The following SLC39A11 variants were observed in gnomAD, a reference collection of about 807,000 sequenced individuals.
The protein encoded by SLC39A11 is solute carrier family 39 member 11.
Under a neutral mutation model 36.1 loss-of-function variants are expected in SLC39A11, and 33 were observed. The observed-to-expected ratio is 0.91, with a 90% confidence interval of 0.69 to 1.22. The LOEUF is 1.22. Among genes scored for constraint, SLC39A11 ranks in the 50% most tolerant of loss-of-function variants. The pLI is 0.00. For synonymous variants in SLC39A11, 166 were observed against 170.3 expected (o/e 0.97, Z 0.20); for missense variants, 432 against 430.3 (o/e 1.00, Z -0.03).
chr17:73,021,154 C>T (rs138074764), intron 4 of SLC39A11, among the ~76,000 whole-genome samples: 320 of 152,192 alleles, frequency 2.1e-3, no homozygotes, highest in East Asian at 0.018. Flanking sequence ...GGACCTGCAT[C>T]AACACTACCA....
chr17:72,992,120 G>A (rs1334767449), intron 4 of SLC39A11, among the ~76,000 whole-genome samples: 2 of 152,178 alleles, frequency 1.3e-5, no homozygotes, highest in Non-Finnish European at 2.9e-5. Context: ...GGGAGGCTGA[G>A]GCAGATGGAT....
At chr17:72,797,486 T>C (rs1309309957) in intron 6 of SLC39A11, among the ~76,000 whole-genome samples, 1 of 152,038 alleles carries the variant, frequency 6.6e-6, no homozygotes, top group Non-Finnish European at 1.5e-5. Context: ...TGAGGGCTAA[T>C]TTAAAAGATG....
rs193137057 is a variant in SLC39A11, at chr17:72,904,703, G to A, written c.430+43049C>T. Among the ~76,000 whole-genome samples, 9 of 152,296 alleles carry A rather than the reference G, an allele frequency of 5.9e-5. No individual in the cohort carries two copies. The East Asian group carries it at 9.7e-4, about 16-fold the overall frequency. On this transcript the variant is annotated intron_variant, in intron 5 of 9. Transcript: ENST00000255559. ...TCTCAGGTGGCACTGACGGGCCAAG[G>A]GATTCAGGATCTCAGAGCGAGAATT...
intron 4 of SLC39A11, among the ~76,000 whole-genome samples, chr17:72,991,598 A>ATCCCAC (rs1452706519): frequency 1.3e-5 from 2 of 150,440 alleles, no homozygotes; most frequent in African/African-American, 4.9e-5. Context: ...ATCTCAGATA[A>ATCCCAC]TCCCCCCGCC....
chr17:73,091,647 G>T (rs1023032486), intron 1 of SLC39A11, among the ~76,000 whole-genome samples: 2 of 152,090 alleles, frequency 1.3e-5, no homozygotes, highest in African/African-American at 4.8e-5. Context: ...TCTCTAACCG[G>T]CAGACCAGTA....
intron 5 of SLC39A11, among the ~76,000 whole-genome samples, chr17:72,902,426 T>C (rs947108979): frequency 7.7e-6 from 1 of 130,064 alleles, no homozygotes; most frequent in Non-Finnish European, 1.6e-5. Context: ...CAAGTAAGGA[T>C]TCTCTCCTTG....
At chr17:72,802,250 G>A (rs1023391671) in intron 6 of SLC39A11, among the ~76,000 whole-genome samples, 2 of 152,102 alleles carry the variant, frequency 1.3e-5, no homozygotes, top group African/African-American at 4.8e-5. Flanking sequence ...ACTTCTTGTG[G>A]CCCAAGAGAA....
rs2074087791 is a variant in SLC39A11, at chr17:72,729,428, TATATATATATATA to T, written c.671+7209_671+7221del. Among the ~76,000 whole-genome samples the T allele has an allele frequency of 1.9e-3, 10 of 5,282 alleles. 1 individual carries two copies. Among genetic ancestry groups the T allele is most frequent in the Admixed American group, 6.4e-3 (2 of 314 alleles). The allele number at this position is 5,282 out of a possible 152,430, so 3.5% of individuals were successfully genotyped here. The stretch of plus-strand genomic sequence containing the variant: ...ATTTATATATATATATATATATATA[TATATATATATATA>T]TATATATATATATATATTTTTTTTT... On this transcript the variant is annotated intron_variant, in intron 7 of 9. Transcript: ENST00000255559.
At chr17:73,060,415 C>T (rs937202902) in intron 3 of SLC39A11, among the ~76,000 whole-genome samples, 1 of 151,878 alleles carries the variant, frequency 6.6e-6, no homozygotes, top group African/African-American at 2.4e-5. Flanking sequence ...AAGGTTTTTC[C>T]TCCAAATATG....
intron 5 of SLC39A11, among the ~76,000 whole-genome samples, chr17:72,853,491 C>G (rs1250033916): frequency 6.6e-6 from 1 of 152,054 alleles, no homozygotes; most frequent in Non-Finnish European, 1.5e-5. Context: ...AGATACCGCA[C>G]AGAGAGCAAC....
intron 5 of SLC39A11, among the ~76,000 whole-genome samples, chr17:72,877,160 T>C (rs1020449292): frequency 2.0e-5 from 3 of 152,198 alleles, no homozygotes; most frequent in African/African-American, 7.2e-5. Flanking sequence ...ATACACTCCC[T>C]TTTCTTTAGA....
chr17:72,934,721 A>T (rs2084638447), intron 5 of SLC39A11, among the ~76,000 whole-genome samples: 2 of 152,250 alleles, frequency 1.3e-5, no homozygotes, highest in Admixed American at 6.5e-5. Flanking sequence ...TTAAAAAACA[A>T]GCAAAAGATT....
At chr17:72,860,018 AGGGG>A (rs2079881597) in intron 5 of SLC39A11, among the ~76,000 whole-genome samples, 1 of 68,138 alleles carries the variant, frequency 1.5e-5, no homozygotes, top group Non-Finnish European at 2.9e-5. Context: ...AGGAGAGGGG[AGGGG>A]AGGGGAGGGG....
intron 4 of SLC39A11, among the ~76,000 whole-genome samples, chr17:72,957,881 T>A (rs2086347538): frequency 6.6e-6 from 1 of 151,528 alleles, no homozygotes; most frequent in Non-Finnish European, 1.5e-5. Context: ...TCCCAGCTAT[T>A]CAGGAGGCTA....
chr17:72,803,042 A>T (rs1276992962), intron 6 of SLC39A11, among the ~76,000 whole-genome samples: 4 of 152,222 alleles, frequency 2.6e-5, no homozygotes, highest in Non-Finnish European at 4.4e-5. Flanking sequence ...TTTCTATCAA[A>T]CAAAAACGGA....
intron 6 of SLC39A11, among the ~76,000 whole-genome samples, chr17:72,796,106 C>A (rs1346470431): frequency 6.6e-6 from 1 of 152,132 alleles, no homozygotes; most frequent in African/African-American, 2.4e-5. Flanking sequence ...GCTAGGACTG[C>A]AGCTCACATA....
chr17:72,674,846 G>A (rs1286171148), intron 7 of SLC39A11, among the ~76,000 whole-genome samples: 1 of 152,070 alleles, frequency 6.6e-6, no homozygotes, highest in Non-Finnish European at 1.5e-5. Context: ...AACGTGTTTT[G>A]GTGAATTATC....
intron 3 of SLC39A11, among the ~76,000 whole-genome samples, chr17:73,045,542 T>C (rs1025178966): frequency 3.3e-5 from 5 of 152,086 alleles, no homozygotes; most frequent in African/African-American, 1.2e-4. Flanking sequence ...GGAGCTCCCA[T>C]TGGCAATGAT....
intron 5 of SLC39A11, among the ~76,000 whole-genome samples, chr17:72,929,739 G>A (rs1305442091): frequency 6.6e-6 from 1 of 152,100 alleles, no homozygotes; most frequent in Non-Finnish European, 1.5e-5. Context: ...TGTGCCCCGG[G>A]GGTCTTGCTA....
Sources: allele counts gnomAD v4.1 joint callset (sites outside exome capture counted in the v4.1 genomes callset), GRCh38; gene constraint gnomAD v4.1.1; transcripts MANE v1.5; gene names NCBI Gene and HGNC (gene_info 2026-07-23, HGNC 2026-07-21).